Variants in SHANK2 observed in about 807,000 individuals in gnomAD.
SHANK2 encodes the protein SH3 and multiple ankyrin repeat domains protein 2.
SHANK2 carries 43 observed loss-of-function variants against 133.7 expected under a neutral mutation model. That is an observed-to-expected ratio of 0.32 (90% CI 0.25 to 0.41). The LOEUF is 0.41. Ranked by LOEUF, SHANK2 falls within the 10% of genes least tolerant of loss-of-function variation. SHANK2 has a pLI of 1.00. For synonymous variants in SHANK2, 1,017 were observed against 952.8 expected (o/e 1.07, Z -1.24); for missense variants, 1,994 against 2,235.8 (o/e 0.89, Z 2.18).
intron 2 of SHANK2, among the ~76,000 whole-genome samples, chr11:71,153,704 C>G (rs529147998): frequency 6.6e-6 from 1 of 152,306 alleles, no homozygotes; most frequent in East Asian, 1.9e-4. Context: ...CAGTGGCTCA[C>G]GCCTGTAATC....
chr11:70,834,454 A>G (rs1555059458), intron 11 of SHANK2, among the ~76,000 whole-genome samples: 3 of 152,202 alleles, frequency 2.0e-5, no homozygotes, highest in Admixed American at 1.3e-4. Flanking sequence ...GAATGCTGAG[A>G]AAGTATGTAT....
At chr11:70,928,680 A>G (rs893266106) in intron 10 of SHANK2, among the ~76,000 whole-genome samples, 1 of 151,996 alleles carries the variant, frequency 6.6e-6, no homozygotes, top group African/African-American at 2.4e-5. Flanking sequence ...CTCCAATGGG[A>G]TCCATGGGGC....
At chr11:70,511,374 C>A (rs1300625897) in intron 17 of SHANK2, among the ~76,000 whole-genome samples, 5 of 152,200 alleles carry the variant, frequency 3.3e-5, no homozygotes, top group Admixed American at 3.3e-4. Flanking sequence ...GACTTTGGAA[C>A]CAGCTACAGT....
At chr11:70,893,697 G>GGCAAGT (rs1949888502) in intron 11 of SHANK2, among the ~76,000 whole-genome samples, 1 of 152,108 alleles carries the variant, frequency 6.6e-6, no homozygotes, top group Admixed American at 6.5e-5. Flanking sequence ...GAACCGCATG[G>GGCAAGT]GCAAGTATAG....
intron 17 of SHANK2, among the ~76,000 whole-genome samples, chr11:70,517,416 G>T (rs1417304474): frequency 2.0e-5 from 3 of 152,220 alleles, no homozygotes; most frequent in African/African-American, 7.2e-5. Flanking sequence ...GTATGCCGAG[G>T]TTTAGAGCAG....
At chr11:70,582,239 C>A (rs2060193694) in intron 17 of SHANK2, among the ~76,000 whole-genome samples, 1 of 152,214 alleles carries the variant, frequency 6.6e-6, no homozygotes, top group South Asian at 2.1e-4. Context: ...AGGGGCCTGG[C>A]ATTGGCACCA....
At chr11:71,210,083 A>G (rs899479884) in intron 2 of SHANK2, among the ~76,000 whole-genome samples, 2 of 151,126 alleles carry the variant, frequency 1.3e-5, no homozygotes, top group African/African-American at 2.4e-5. Flanking sequence ...ATCATCTGCA[A>G]GGGAACTTCT....
chr11:70,743,680 G>A (rs1431365344), intron 14 of SHANK2, among the ~76,000 whole-genome samples: 1 of 152,138 alleles, frequency 6.6e-6, no homozygotes, highest in Non-Finnish European at 1.5e-5. Flanking sequence ...GAGGGGCCGG[G>A]AGAGCCCCCA....
At chr11:71,109,722 C>G (rs575967769) in intron 6 of SHANK2, among the ~76,000 whole-genome samples, 2 of 152,280 alleles carry the variant, frequency 1.3e-5, no homozygotes, top group African/African-American at 2.4e-5. Flanking sequence ...ACCTGCCGTG[C>G]TCCAGGCCCC....
intron 2 of SHANK2, among the ~76,000 whole-genome samples, chr11:71,205,328 C>T (rs1162901174): frequency 1.3e-5 from 2 of 152,184 alleles, no homozygotes; most frequent in African/African-American, 4.8e-5. Context: ...TCTCTCTGGT[C>T]AGAGGGTACT....
intron 10 of SHANK2, among the ~76,000 whole-genome samples, chr11:70,897,637 A>T (rs925768760): frequency 4.6e-5 from 7 of 152,204 alleles, no homozygotes; most frequent in South Asian, 2.1e-4. Flanking sequence ...CATCTTCCCA[A>T]CATGGGCTTA....
At chr11:70,752,469 A>G (rs1946770106) in intron 14 of SHANK2, among the ~76,000 whole-genome samples, 2 of 152,232 alleles carry the variant, frequency 1.3e-5, no homozygotes, top group African/African-American at 2.4e-5. Context: ...CTGTAATCCC[A>G]GCACTTTGGG....
intron 9 of SHANK2, among the ~76,000 whole-genome samples, chr11:71,066,373 C>T (rs1951064289): frequency 6.6e-6 from 1 of 151,428 alleles, no homozygotes; most frequent in Non-Finnish European, 1.5e-5. Context: ...AGAAGTCTCC[C>T]AGGGAGATGA....
chr11:71,148,934 C>T (rs1555107312), intron 2 of SHANK2, among the ~76,000 whole-genome samples: 1 of 152,080 alleles, frequency 6.6e-6, no homozygotes. Flanking sequence ...AAGGCACATG[C>T]CCAATGCAGG....
At chr11:70,816,507 C>A (rs1783788050) in intron 12 of SHANK2, among the ~76,000 whole-genome samples, 1 of 152,202 alleles carries the variant, frequency 6.6e-6, no homozygotes, top group Admixed American at 6.5e-5. Flanking sequence ...CACCCAGGGC[C>A]CCCAGAGGCT....
chr11:70,878,005 G>A (rs1296164496), intron 11 of SHANK2, among the ~76,000 whole-genome samples: 1 of 152,248 alleles, frequency 6.6e-6, no homozygotes, highest in African/African-American at 2.4e-5. Context: ...TGAGTCCGGC[G>A]AAGAATGCAG....
intron 17 of SHANK2, among the ~76,000 whole-genome samples, chr11:70,540,437 CGGAGTGATGAGGACCATT>C (rs1162303964): frequency 2.6e-5 from 4 of 152,064 alleles, no homozygotes; most frequent in African/African-American, 9.7e-5. Flanking sequence ...CCTGCGGAGT[CGGAGTGATGAGGACCATT>C]CTCATCCTAC....
At chr11:71,081,564 TG>T (rs1325823142) in intron 8 of SHANK2, among the ~76,000 whole-genome samples, 10 of 152,100 alleles carry the variant, frequency 6.6e-5, no homozygotes, top group Non-Finnish European at 1.3e-4. Flanking sequence ...GTGCAGAGGG[TG>T]GGGTGCTGGT....
chr11:71,094,351 A>G (rs1239785380), intron 7 of SHANK2, among the ~76,000 whole-genome samples, 186 bp downstream of exon 7: 1 of 152,070 alleles, frequency 6.6e-6, no homozygotes, highest in African/African-American at 2.4e-5. Context: ...ACCAGGAGAG[A>G]GAACAGGAAA....
Sources: allele counts gnomAD v4.1 joint callset (sites outside exome capture counted in the v4.1 genomes callset), GRCh38; gene constraint gnomAD v4.1.1; transcripts MANE v1.5; gene names NCBI Gene and HGNC (gene_info 2026-07-23, HGNC 2026-07-21).